The following SDK1 variants were observed in gnomAD, a reference collection of about 807,000 sequenced individuals.
SDK1 encodes protein sidekick-1.
SDK1 carries 157 observed loss-of-function variants against 245.5 expected under a neutral mutation model. The observed-to-expected ratio is 0.64, with a 90% confidence interval of 0.56 to 0.73. The LOEUF is 0.73. Ranked by LOEUF, SDK1 falls within the 30% of genes least tolerant of loss-of-function variation. The pLI, the probability that SDK1 is intolerant of heterozygous loss-of-function variation, is 0.00. For missense variants in SDK1, 3,583 were observed against 3,002.3 expected (o/e 1.19, Z -4.52); for synonymous variants, 1,647 against 1,278.5 (o/e 1.29, Z -6.15).
chr7:3,422,655 T>G (rs1477160738), intron 1 of SDK1, among the ~76,000 whole-genome samples: 3 of 152,148 alleles, frequency 2.0e-5, no homozygotes, highest in Non-Finnish European at 4.4e-5. Context: ...AAATTATTTC[T>G]TTCTGTAGCT....
chr7:4,038,196 C>T (rs1260359955), intron 17 of SDK1, among the ~76,000 whole-genome samples: 3 of 152,198 alleles, frequency 2.0e-5, no homozygotes, highest in Non-Finnish European at 4.4e-5. Context: ...CCCCTCTATT[C>T]CAGAGCTCCC....
chr7:3,578,518 C>G (rs181996457), intron 1 of SDK1, among the ~76,000 whole-genome samples: 1 of 151,988 alleles, frequency 6.6e-6, no homozygotes, highest in African/African-American at 2.4e-5. Context: ...CAGGGTTTCC[C>G]AATCCTGGTA....
rs1785151949 is a variant in SDK1, at chr7:4,221,465, C to T, written c.5827+101C>T. ...CATCACTTTCTCTTTCAGCATTTTCCCCCCACAAAGCTGGGACCAAGAGGG... is the reference window on the plus strand; with the variant it reads ...CATCACTTTCTCTTTCAGCATTTTCTCCCCACAAAGCTGGGACCAAGAGGG... On this transcript the variant is annotated intron_variant, in intron 40 of 44. Transcript: ENST00000404826. 105 of 1,425,938 alleles carry T rather than the reference C, an allele frequency of 7.4e-5. 2 individuals carry two copies. The South Asian group carries it at 1.4e-3, about 19-fold the overall frequency. 88.3% of individuals were successfully genotyped at this position (1,425,938 alleles called of 1,614,324 possible).
At chr7:3,527,104 C>T (rs1289412048) in intron 1 of SDK1, among the ~76,000 whole-genome samples, 2 of 152,292 alleles carry the variant, frequency 1.3e-5, no homozygotes, top group African/African-American at 4.8e-5. Context: ...ATAGTGAGCA[C>T]ATATCTTCTG....
chr7:4,233,028 G>A (rs1410337501), intron 40 of SDK1: 2 of 492,120 alleles, frequency 4.1e-6, no homozygotes, highest in African/African-American at 3.8e-5. Flanking sequence ...GTCCAGTTCA[G>A]TAGCATTGAG....
At chr7:4,202,349 C>T (rs1455142256) in intron 35 of SDK1, among the ~76,000 whole-genome samples, 3 of 152,222 alleles carry the variant, frequency 2.0e-5, no homozygotes, top group Admixed American at 6.5e-5. Flanking sequence ...CTCCCGCTGC[C>T]GCCCTCCGAG....
intron 1 of SDK1, among the ~76,000 whole-genome samples, chr7:3,593,192 G>A (rs1293102185): frequency 1.3e-5 from 2 of 152,192 alleles, no homozygotes; most frequent in Non-Finnish European, 2.9e-5. Flanking sequence ...CTTTAAGAAC[G>A]TATTTATGCA....
At chr7:3,882,950 A>G (rs1346799490) in intron 5 of SDK1, among the ~76,000 whole-genome samples, 1 of 152,168 alleles carries the variant, frequency 6.6e-6, no homozygotes, top group Non-Finnish European at 1.5e-5. Flanking sequence ...TAGGTAATGG[A>G]ACATTTGCCC....
intron 35 of SDK1, among the ~76,000 whole-genome samples, chr7:4,203,314 C>T (rs7801236): frequency 0.32 from 49,413 of 152,054 alleles, 8,788 homozygotes; most frequent in African/African-American, 0.47. Context: ...TCTCCCAGGC[C>T]GCAGAGGCCC....
chr7:3,313,545 G>A (rs912388881), intron 1 of SDK1, among the ~76,000 whole-genome samples: 3 of 152,170 alleles, frequency 2.0e-5, no homozygotes, highest in African/African-American at 7.2e-5. Context: ...ATGATAGGAA[G>A]CATTGTTGCA....
intron 37 of SDK1, 105 bp downstream of exon 37, chr7:4,208,390 A>T (rs1171212761): frequency 4.0e-6 from 4 of 1,008,674 alleles, no homozygotes; most frequent in Non-Finnish European, 5.9e-6. Flanking sequence ...GCCCAGGCGG[A>T]AGGCAACACC....
At chr7:3,792,653 T>C (rs1274072921) in intron 4 of SDK1, among the ~76,000 whole-genome samples, 1 of 151,510 alleles carries the variant, frequency 6.6e-6, no homozygotes, top group Non-Finnish European at 1.5e-5. Flanking sequence ...CACCTGTCCA[T>C]CCATCCATCT....
intron 42 of SDK1, among the ~76,000 whole-genome samples, chr7:4,238,271 G>T (rs943297686): frequency 2.6e-5 from 4 of 151,904 alleles, no homozygotes; most frequent in Non-Finnish European, 5.9e-5. Flanking sequence ...GTAGAGGCGG[G>T]GTTTCACCAT....
At chr7:3,880,001 C>T (rs1781167969) in intron 5 of SDK1, among the ~76,000 whole-genome samples, 1 of 152,088 alleles carries the variant, frequency 6.6e-6, no homozygotes, top group Non-Finnish European at 1.5e-5. Context: ...TATTAATCTT[C>T]TCAATGGCTT....
chr7:4,268,661 G>C lies in SDK1; in HGVS notation c.*3277G>C. On this transcript the variant is annotated 3_prime_UTR_variant, in exon 45 of 45. Coordinates refer to ENST00000404826, the MANE Select transcript of SDK1 (RefSeq NM_152744.4). ...TCGTAGCATGGTTTTTATTTCTTAC[G>C]CATTCTTGGCACACAGTGTAGCTAT... 9.5e-6 allele frequency: 13 copies of C among 1,367,710 alleles called. No homozygotes were observed. The highest frequency in any genetic ancestry group is 1.2e-5 in the Non-Finnish European group (12 of 1,021,932). 84.7% of individuals were successfully genotyped at this position (1,367,710 alleles called of 1,614,324 possible). A position where few individuals can be genotyped will look rare whatever the true frequency, so the allele number is the denominator to read the frequency against.
At chr7:4,049,552 C>T (rs535120466) in intron 18 of SDK1, 89 bp downstream of exon 18, 1 of 969,288 alleles carries the variant, frequency 1.0e-6, no homozygotes. Flanking sequence ...TCTTGTGTAT[C>T]AAGAGCTGGT....
At chr7:3,958,024 C>G (rs543230317) in intron 7 of SDK1, 63 of 470,738 alleles carry the variant, frequency 1.3e-4, no homozygotes, top group African/African-American at 1.2e-3. Context: ...TTTCATTTCT[C>G]TTTTTCATCT....
chr7:3,404,747 G>A (rs891685437), intron 1 of SDK1, among the ~76,000 whole-genome samples: 4 of 152,152 alleles, frequency 2.6e-5, no homozygotes, highest in Non-Finnish European at 4.4e-5. Context: ...TACAATATGG[G>A]AGGCTTTTAA....
In SDK1 at chr7:3,952,243, G is replaced by C. The variant is rs926830111; in HGVS notation, c.1150+323G>C. 1.2e-5 allele frequency: 4 copies of C among 340,986 alleles called. No homozygotes were observed. In the South Asian group the frequency reaches 1.3e-4, roughly 11 times the overall value. The allele number at this position is 340,986 out of a possible 1,614,324, so 21.1% of individuals were successfully genotyped here. On this transcript the variant is annotated intron_variant, in intron 7 of 44. Coordinates refer to ENST00000404826, the MANE Select transcript of SDK1 (RefSeq NM_152744.4). The stretch of plus-strand genomic sequence containing the variant: ...TAGCTTTAGGCTGCTAAGCTTTTCT[G>C]TAACTCTTATTTGGCTATCGTGATC...
Sources: allele counts gnomAD v4.1 joint callset (sites outside exome capture counted in the v4.1 genomes callset), GRCh38; gene constraint gnomAD v4.1.1; transcripts MANE v1.5; gene names NCBI Gene and HGNC (gene_info 2026-07-23, HGNC 2026-07-21).